The following XDH variants were observed in gnomAD, a reference collection of about 807,000 sequenced individuals.
The protein encoded by XDH is xanthine dehydrogenase, also known as xanthine dehydrogenase/oxidase.
XDH carries 138 observed loss-of-function variants against 156.1 expected under a neutral mutation model. The ratio of observed to expected loss-of-function variants is 0.88; its 90% CI spans 0.77 to 1.02. XDH has a LOEUF of 1.02. Ranked by LOEUF, XDH falls within the 50% of genes least tolerant of loss-of-function variation. XDH has a pLI of 0.00. For synonymous variants in XDH, 669 were observed against 625.7 expected, an observed-to-expected ratio of 1.07 and a Z score of -1.03; for missense variants, 1,849 against 1,684.9, an observed-to-expected ratio of 1.10 and a Z score of -1.71.
intron 1 of XDH, among the ~76,000 whole-genome samples, chr2:31,408,985 CA>C (rs1251215900): frequency 6.6e-6 from 1 of 152,152 alleles, no homozygotes. Flanking sequence ...TCATTTGCAA[CA>C]ACATGGATGG....
At chr2:31,363,205 G>A (rs573712138) in intron 24 of XDH, among the ~76,000 whole-genome samples, 8 of 152,260 alleles carry the variant, frequency 5.3e-5, no homozygotes, top group South Asian at 2.1e-4. Context: ...CCAGCTACTC[G>A]GGAGGCTGAG....
intron 1 of XDH, among the ~76,000 whole-genome samples, chr2:31,414,322 T>A (rs1436793992): frequency 6.6e-6 from 1 of 151,932 alleles, no homozygotes; most frequent in African/African-American, 2.4e-5. Flanking sequence ...TCAACTCCCC[T>A]TTCTCATTCT....
chr2:31,368,881 G>A (rs570388288), intron 18 of XDH, among the ~76,000 whole-genome samples: 95 of 152,246 alleles, frequency 6.2e-4, no homozygotes, highest in African/African-American at 2.3e-3. Context: ...TGAGTATTTA[G>A]TACTGGCAGA....
chr2:31,377,650 GGCCTT>G (rs1403283556), intron 13 of XDH, among the ~76,000 whole-genome samples: 1 of 152,108 alleles, frequency 6.6e-6, no homozygotes, highest in African/African-American at 2.4e-5. Context: ...GAGGCTGTTT[GGCCTT>G]TGGCATCCTC....
intron 6 of XDH, among the ~76,000 whole-genome samples, chr2:31,395,874 A>G (rs1686889879): frequency 6.6e-6 from 1 of 152,212 alleles, no homozygotes; most frequent in Admixed American, 6.5e-5. Context: ...AGCTGCTTAC[A>G]TGCCAGACCA....
At chr2:31,412,480 C>T (rs1026816075) in intron 1 of XDH, among the ~76,000 whole-genome samples, 9 of 151,318 alleles carry the variant, frequency 5.9e-5, no homozygotes, top group East Asian at 5.8e-4. Context: ...CGGGGCCTGT[C>T]GTGGGGTGGG....
intron 23 of XDH, among the ~76,000 whole-genome samples, chr2:31,364,912 C>G (rs1363017290): frequency 6.6e-6 from 1 of 152,170 alleles, no homozygotes; most frequent in African/African-American, 2.4e-5. Flanking sequence ...AGGCGGAGCC[C>G]CATAAGGCTT....
intron 24 of XDH, among the ~76,000 whole-genome samples, chr2:31,363,831 A>G (rs776043472): frequency 5.3e-5 from 8 of 152,096 alleles, no homozygotes; most frequent in Non-Finnish European, 7.3e-5. Context: ...TATTAGTATT[A>G]GTTTATATGT....
At chr2:31,354,692 A>G in intron 24 of XDH, among the ~76,000 whole-genome samples, 1 of 152,186 alleles carries the variant, frequency 6.6e-6, no homozygotes, top group East Asian at 1.9e-4. Context: ...CATAGAAGAG[A>G]ATCAGTGAAC....
At chr2:31,351,493 GCTGTTAC>G (rs1685479950) in intron 24 of XDH, among the ~76,000 whole-genome samples, 1 of 151,980 alleles carries the variant, frequency 6.6e-6, no homozygotes, top group Non-Finnish European at 1.5e-5. Context: ...CTGCTATTCA[GCTGTTAC>G]CTAAGGATTT....
intron 18 of XDH, among the ~76,000 whole-genome samples, chr2:31,369,502 A>T (rs1205670360): frequency 6.6e-6 from 1 of 152,182 alleles, no homozygotes; most frequent in African/African-American, 2.4e-5. Context: ...ATAGGAACCA[A>T]CAATTAGTAT....
rs373858845 is a variant in XDH at position 31,388,299 on chromosome 2, G to C, written c.496-4C>G. 2 of 1,614,028 alleles carry C rather than the reference G, an allele frequency of 1.2e-6. No individual in the cohort carries two copies. Among genetic ancestry groups the C allele is most frequent in the Non-Finnish European group, 1.7e-6 (2 of 1,179,908 alleles). Reference sequence around the variant, plus strand: ...CTCCTCCACAGCATCCACCATCCTAGAGAGATGATGAACATCTGCACAAGG... The same window carrying C: ...CTCCTCCACAGCATCCACCATCCTACAGAGATGATGAACATCTGCACAAGG... On this transcript the variant is annotated splice_region_variant and splice_polypyrimidine_tract_variant and intron_variant, in intron 6 of 35. Coordinates refer to ENST00000379416, the MANE Select transcript of XDH (RefSeq NM_000379.4).
Position 31,339,648 on chromosome 2 carries a change from G to C in XDH, c.3615C>G (p.Gly1205=), listed in dbSNP as rs1264749008. The C allele has an allele frequency of 6.2e-7, 1 of 1,614,146 alleles. No homozygotes were observed. The highest frequency in any genetic ancestry group is 1.1e-5 in the South Asian group (1 of 91,068). ...QVEGAFVQGL[G]LFTLEELHYS... is the part of the protein sequence containing the mutation. ...AGTGTAGCTCCTCTAGGGTGAAGAG[G>C]CCAAGGCCCTGGACAAATGCCCCTT... The change falls in exon 34 of 36, where the codon GGC becomes GGG. Residue 1205 remains glycine, a synonymous_variant. Transcript: ENST00000379416.
chr2:31,372,435 A>C (rs1190309928), intron 16 of XDH, 38 bp from the exon 17 acceptor site: 1 of 1,613,460 alleles, frequency 6.2e-7, no homozygotes, highest in Non-Finnish European at 8.5e-7. Flanking sequence ...TGAGCTGCCA[A>C]GGACACTGCC....
At chr2:31,390,530 G>T (rs1686733723) in intron 6 of XDH, among the ~76,000 whole-genome samples, 1 of 152,228 alleles carries the variant, frequency 6.6e-6, no homozygotes, top group Non-Finnish European at 1.5e-5. Context: ...CAGTTCCAAG[G>T]TGTGTGATCA....
At chr2:31,410,580 C>T (rs976525581) in intron 1 of XDH, among the ~76,000 whole-genome samples, 2 of 151,990 alleles carry the variant, frequency 1.3e-5, no homozygotes, top group African/African-American at 4.8e-5. Flanking sequence ...CACCAAAGTT[C>T]GCATCACAAA....
At position 31,350,171 on chromosome 2, in the gene XDH, A is replaced by T. The variant is rs747316933; in HGVS notation, c.2684T>A (p.Ile895Asn). ...TTTGCACAGCCGCCCAGTGCCCCGG[A>T]TGTTGGGGATTTTATAGCAGTTGTC... ...HMDNCYKIPN[I>N]RGTGRLCKTN... Residue 895 changes from isoleucine (I) to asparagine (N), a missense_variant, in exon 25 of 36, where the codon ATC becomes AAC. Ile to Asn is a moderately radical substitution (Grantham distance 149). Transcript: ENST00000379416. 1.2e-6 allele frequency: 2 copies of T among 1,613,956 alleles called. No individual in the cohort carries two copies. Among genetic ancestry groups the T allele is most frequent in the Non-Finnish European group, 1.7e-6 (2 of 1,180,016 alleles).
intron 24 of XDH, among the ~76,000 whole-genome samples, chr2:31,350,534 C>A (rs1041366409): frequency 6.6e-6 from 1 of 151,866 alleles, no homozygotes; most frequent in Non-Finnish European, 1.5e-5. Context: ...GCACCACACG[C>A]CCAGCTAATT....
chr2:31,356,586 C>T (rs1381019500), intron 24 of XDH, among the ~76,000 whole-genome samples: 1 of 152,208 alleles, frequency 6.6e-6, no homozygotes, highest in Non-Finnish European at 1.5e-5. Context: ...CCAGAAACTA[C>T]AAAAGGTCAG....
Sources: allele counts gnomAD v4.1 joint callset (sites outside exome capture counted in the v4.1 genomes callset), GRCh38; gene constraint gnomAD v4.1.1; transcripts MANE v1.5; gene names NCBI Gene and HGNC (gene_info 2026-07-23, HGNC 2026-07-21).